The following ANP32A variants were observed in gnomAD, a reference collection of about 807,000 sequenced individuals.
The protein encoded by ANP32A is acidic leucine-rich nuclear phosphoprotein 32 family member A.
A neutral mutation model predicts 33.9 loss-of-function variants in ANP32A; 1 was observed. The ratio of observed to expected loss-of-function variants is 0.03; its 90% CI spans 0.01 to 0.14. ANP32A has a LOEUF of 0.14. Ranked by LOEUF, ANP32A falls within the 10% of genes least tolerant of loss-of-function variation. The pLI is 1.00. For missense variants in ANP32A, 155 were observed against 306.0 expected, an observed-to-expected ratio of 0.51 and a Z score of 3.68; for synonymous variants, 115 against 120.5, an observed-to-expected ratio of 0.95 and a Z score of 0.30.
intron 1 of ANP32A, among the ~76,000 whole-genome samples, chr15:68,801,325 G>GTACACCCAC (rs1367417715): frequency 6.6e-6 from 1 of 151,824 alleles, no homozygotes; most frequent in Non-Finnish European, 1.5e-5. Flanking sequence ...TCTACACCCC[G>GTACACCCAC]GACATCTCCT....
intron 1 of ANP32A, among the ~76,000 whole-genome samples, chr15:68,807,518 C>G (rs190241096): frequency 6.6e-6 from 1 of 151,738 alleles, no homozygotes; most frequent in African/African-American, 2.4e-5. Context: ...TGGGGCAGGC[C>G]GAGACAGCTC....
chr15:68,814,845 G>A (rs570859813), intron 1 of ANP32A, among the ~76,000 whole-genome samples: 1 of 152,322 alleles, frequency 6.6e-6, no homozygotes, highest in South Asian at 2.1e-4. Flanking sequence ...GCCACTGGGT[G>A]CACAGCTGCC....
intron 3 of ANP32A, among the ~76,000 whole-genome samples, chr15:68,785,763 C>A (rs1463098441): frequency 6.6e-6 from 1 of 152,172 alleles, no homozygotes; most frequent in East Asian, 1.9e-4. Flanking sequence ...CATGAACGTG[C>A]CTGAGTGCCT....
intron 1 of ANP32A, among the ~76,000 whole-genome samples, chr15:68,788,225 G>A (rs1257434491): frequency 6.6e-6 from 1 of 152,136 alleles, no homozygotes; most frequent in Non-Finnish European, 1.5e-5. Flanking sequence ...AGTAAGCCCT[G>A]CTGCCTCTGC....
intron 1 of ANP32A, among the ~76,000 whole-genome samples, chr15:68,792,763 C>T (rs1292719287): frequency 6.6e-6 from 1 of 152,168 alleles, no homozygotes; most frequent in Non-Finnish European, 1.5e-5. Context: ...GAACAGGCCT[C>T]GACCTAGAGG....
intron 5 of ANP32A, chr15:68,781,065 C>G (rs1288786136): frequency 6.6e-6 from 1 of 152,530 alleles, no homozygotes; most frequent in Non-Finnish European, 1.5e-5. Context: ...GCTTGAGATT[C>G]AGCAAGGTGT....
chr15:68,808,439 C>A (rs1161492709), intron 1 of ANP32A, among the ~76,000 whole-genome samples: 1 of 152,224 alleles, frequency 6.6e-6, no homozygotes, highest in Non-Finnish European at 1.5e-5. Flanking sequence ...CCACTATAAC[C>A]ACTCTCTTCT....
rs1216577260 is a variant in ANP32A, at chr15:68,778,801, A to C, written c.*1280T>G. ...TATATCTCATAAGAAAAGCTATTCT[A>C]TCAGGTAACAAAAATGAAGCTTCCC... On this transcript the variant is annotated 3_prime_UTR_variant, in exon 7 of 7. Coordinates refer to ENST00000465139, the MANE Select transcript of ANP32A (RefSeq NM_006305.4). 1 of 152,194 alleles carries C rather than the reference A, an allele frequency of 6.6e-6. No homozygotes were observed. The highest frequency in any genetic ancestry group is 2.4e-5 in the African/African-American group (1 of 41,456). 9.4% of individuals were successfully genotyped at this position (152,194 alleles called of 1,614,324 possible). A position where few individuals can be genotyped will look rare whatever the true frequency, so the allele number is the denominator to read the frequency against.
chr15:68,797,990 C>A (rs1894085165), intron 1 of ANP32A, among the ~76,000 whole-genome samples: 1 of 152,220 alleles, frequency 6.6e-6, no homozygotes, highest in African/African-American at 2.4e-5. Flanking sequence ...AGAAGGCTAA[C>A]CCTTTATTCA....
intron 1 of ANP32A, among the ~76,000 whole-genome samples, chr15:68,795,470 C>T (rs989854670): frequency 5.9e-5 from 9 of 152,222 alleles, no homozygotes; most frequent in Admixed American, 1.3e-4. Context: ...GCCAGGGCCC[C>T]GGCTCATAGG....
At chr15:68,820,264 C>A (rs1455406780) in intron 1 of ANP32A, among the ~76,000 whole-genome samples, 1 of 152,130 alleles carries the variant, frequency 6.6e-6, no homozygotes, top group Non-Finnish European at 1.5e-5. Flanking sequence ...AAATGTAAAA[C>A]CCCCTTTTTT....
At chr15:68,803,467 C>T (rs1173309632) in intron 1 of ANP32A, among the ~76,000 whole-genome samples, 4 of 152,172 alleles carry the variant, frequency 2.6e-5, no homozygotes, top group East Asian at 1.9e-4. Flanking sequence ...TAAAGCAGCA[C>T]CTAAGCCCCT....
chr15:68,780,394 A>G lies in ANP32A; in HGVS notation c.688+16T>C, dbSNP rs777632838. The G allele has an allele frequency of 6.2e-7, 1 of 1,613,854 alleles. No homozygotes were observed. Among genetic ancestry groups the G allele is most frequent in the African/African-American group, 1.3e-5 (1 of 74,940 alleles). ...GGCCAGGCTGCTACCAGCTGAGAGT[A>G]AAAAGGCTGCCATACCACCAAGCTC... On this transcript the variant is annotated intron_variant, in intron 6 of 6. Transcript: ENST00000465139. The surrounding 1 kb of genome is among the most constrained non-coding windows in gnomAD (Gnocchi z 4.3).
rs1171793207 is a variant in ANP32A, at chr15:68,820,781, C to T, written c.-30G>A. 26 of 1,613,696 alleles carry T rather than the reference C, an allele frequency of 1.6e-5. No individual in the cohort carries two copies. The highest frequency in any genetic ancestry group is 2.1e-5 in the Non-Finnish European group (25 of 1,179,802). The stretch of plus-strand genomic sequence containing the variant: ...CGCGCTCTCTCTCTGCAGAGGCTCC[C>T]GCGCCGGCGGAATTCAATCAATAAA... On this transcript the variant is annotated 5_prime_UTR_variant, in exon 1 of 7. Coordinates refer to ENST00000465139, the MANE Select transcript of ANP32A (RefSeq NM_006305.4).
chr15:68,778,777 A>G lies in ANP32A; in HGVS notation c.*1304T>C, dbSNP rs1893825381. 6.6e-6 allele frequency: 1 copy of G among 152,152 alleles called. No homozygotes were observed. Among genetic ancestry groups the G allele is most frequent in the African/African-American group, 2.4e-5 (1 of 41,432 alleles). 9.4% of individuals were successfully genotyped at this position (152,152 alleles called of 1,614,324 possible). ...ATCCAAACATAGTATCACATTATAT[A>G]TATCTCATAAGAAAAGCTATTCTAT... On this transcript the variant is annotated 3_prime_UTR_variant, in exon 7 of 7. Coordinates refer to ENST00000465139, the MANE Select transcript of ANP32A (RefSeq NM_006305.4).
intron 1 of ANP32A, chr15:68,789,787 A>G (rs1368907349): frequency 6.6e-6 from 1 of 152,422 alleles, no homozygotes; most frequent in African/African-American, 2.4e-5. Context: ...AGAACCAGGG[A>G]GCGCAGCCCT....
chr15:68,792,872 G>A (rs1422370515), intron 1 of ANP32A, among the ~76,000 whole-genome samples: 2 of 152,214 alleles, frequency 1.3e-5, no homozygotes, highest in African/African-American at 2.4e-5. Context: ...AACCTATAAA[G>A]AGTAAACTCC....
intron 1 of ANP32A, chr15:68,817,244 C>T (rs1308302976): frequency 6.6e-6 from 1 of 152,252 alleles, no homozygotes; most frequent in Non-Finnish European, 1.5e-5. Context: ...CTCTCTTTCG[C>T]TTTAGGATCT....
intron 4 of ANP32A, among the ~76,000 whole-genome samples, chr15:68,783,695 G>C (rs1457415556): frequency 1.3e-5 from 2 of 152,198 alleles, no homozygotes; most frequent in East Asian, 3.8e-4. Context: ...GGTGGCAAGG[G>C]AGAAGGGGAG....
Sources: allele counts gnomAD v4.1 joint callset (sites outside exome capture counted in the v4.1 genomes callset), GRCh38; gene constraint gnomAD v4.1.1; non-coding constraint Gnocchi (gnomAD v3.1); transcripts MANE v1.5; gene names NCBI Gene and HGNC (gene_info 2026-07-23, HGNC 2026-07-21).